REDIC1: variants seen among roughly 807,000 people sequenced by gnomAD.
REDIC1 encodes regulator of DNA class I crossover intermediates 1.
At chr12:39,701,192 A>G in the REDIC1 span, among the ~76,000 whole-genome samples, 1 of 152,320 alleles carries the variant, frequency 6.6e-6, no homozygotes, top group African/African-American at 2.4e-5. Context: ...CAGGAATCCC[A>G]TACCACGTGC....
At chr12:39,666,754 G>A in the REDIC1 span, among the ~76,000 whole-genome samples, 1 of 152,026 alleles carries the variant, frequency 6.6e-6, no homozygotes, top group Non-Finnish European at 1.5e-5. Context: ...GCCTGTTATT[G>A]GTCTATTCAG....
the REDIC1 span, among the ~76,000 whole-genome samples, chr12:39,767,496 C>T: frequency 1.4e-4 from 21 of 151,970 alleles, no homozygotes; most frequent in Admixed American, 1.1e-3. Flanking sequence ...TTAAAAGTCA[C>T]CAGCTGCATT....
chr12:39,849,400 A>C, the REDIC1 span, among the ~76,000 whole-genome samples: 1 of 152,148 alleles, frequency 6.6e-6, no homozygotes, highest in Non-Finnish European at 1.5e-5. Context: ...AATCTCACCC[A>C]CTGAAGAATG....
At chr12:39,674,304 T>C in the REDIC1 span, among the ~76,000 whole-genome samples, 1 of 152,246 alleles carries the variant, frequency 6.6e-6, no homozygotes, top group African/African-American at 2.4e-5. Flanking sequence ...ATTTCTGTAT[T>C]GTCCACATCT....
chr12:39,723,320 T>C, the REDIC1 span, among the ~76,000 whole-genome samples: 15 of 152,268 alleles, frequency 9.9e-5, no homozygotes, highest in African/African-American at 3.1e-4. Context: ...GTCTTGGAAC[T>C]CACAGACTTG....
chr12:39,672,180 G>T, the REDIC1 span, among the ~76,000 whole-genome samples: 4 of 152,162 alleles, frequency 2.6e-5, no homozygotes, highest in African/African-American at 9.7e-5. Flanking sequence ...AATTCCTGGG[G>T]CCTCAAGCAT....
chr12:39,829,012 A>C, the REDIC1 span, among the ~76,000 whole-genome samples: 1 of 152,170 alleles, frequency 6.6e-6, no homozygotes, highest in Admixed American at 6.5e-5. Flanking sequence ...TATACTTTAT[A>C]GCTCCTATGA....
At chr12:39,758,828 A>G in the REDIC1 span, 1 of 152,024 alleles carries the variant, frequency 6.6e-6, no homozygotes, top group East Asian at 1.9e-4. Context: ...GAAAATGAGA[A>G]AAGTGTGCAA....
At chr12:39,859,319 T>TG in the REDIC1 span, among the ~76,000 whole-genome samples, 1 of 125,154 alleles carries the variant, frequency 8.0e-6, no homozygotes, top group Non-Finnish European at 1.6e-5. Context: ...GCTGGCAGTT[T>TG]TTTTTTTTTT....
chr12:39,789,026 T>G, the REDIC1 span, among the ~76,000 whole-genome samples: 1 of 152,166 alleles, frequency 6.6e-6, no homozygotes, highest in South Asian at 2.1e-4. Context: ...AAGTCTGTTA[T>G]ACATACAAAG....
chr12:39,703,516 A>C, the REDIC1 span, among the ~76,000 whole-genome samples: 2 of 151,722 alleles, frequency 1.3e-5, no homozygotes, highest in African/African-American at 4.8e-5. Context: ...TGCCCAAGGT[A>C]ATTTACAGAT....
the REDIC1 span, among the ~76,000 whole-genome samples, chr12:39,778,547 T>C: frequency 3.9e-5 from 6 of 152,216 alleles, no homozygotes; most frequent in African/African-American, 9.7e-5. Context: ...AGTTATATTA[T>C]TAATTTTATT....
the REDIC1 span, among the ~76,000 whole-genome samples, chr12:39,701,947 G>C: frequency 6.6e-6 from 1 of 152,228 alleles, no homozygotes; most frequent in East Asian, 1.9e-4. Context: ...GCAGTGTGTA[G>C]GGGGAAATTT....
At chr12:39,905,796 G>T in the REDIC1 span, among the ~76,000 whole-genome samples, 1 of 142,972 alleles carries the variant, frequency 7.0e-6, no homozygotes, top group African/African-American at 2.6e-5. Flanking sequence ...CCTTCAAAAG[G>T]TACTAGGCCT....
chr12:39,865,235 A>G, the REDIC1 span, among the ~76,000 whole-genome samples: 2 of 152,248 alleles, frequency 1.3e-5, no homozygotes, highest in Non-Finnish European at 2.9e-5. Context: ...AGTGCCTAAC[A>G]TATCAAGAAG....
At chr12:39,657,318 C>T in the REDIC1 span, among the ~76,000 whole-genome samples, 1 of 152,126 alleles carries the variant, frequency 6.6e-6, no homozygotes. Flanking sequence ...AGCAATAGGC[C>T]ATACTATATA....
the REDIC1 span, chr12:39,721,799 CAT>C: frequency 1.3e-5 from 2 of 151,850 alleles, no homozygotes; most frequent in Non-Finnish European, 2.9e-5. Context: ...ATTTGCATAA[CAT>C]AGTTTTTTTG....
the REDIC1 span, among the ~76,000 whole-genome samples, chr12:39,667,045 G>T: frequency 6.6e-6 from 1 of 151,894 alleles, no homozygotes; most frequent in Non-Finnish European, 1.5e-5. Context: ...TTTTTGAAGG[G>T]TTTTTTGTGT....
the REDIC1 span, among the ~76,000 whole-genome samples, chr12:39,668,686 G>A: frequency 2.0e-5 from 3 of 152,090 alleles, no homozygotes; most frequent in Non-Finnish European, 4.4e-5. Flanking sequence ...TCACTTTCAG[G>A]TACACCAATC....
Sources: gnomAD v4.1 joint callset for allele counts (sites outside exome capture counted in the v4.1 genomes callset) on GRCh38, gnomAD v4.1.1 for gene constraint, MANE v1.5 for transcripts, NCBI Gene and HGNC (gene_info 2026-07-23, HGNC 2026-07-21) for gene names.